FNDC3A: variants seen among roughly 807,000 people sequenced by gnomAD.
The protein encoded by FNDC3A is fibronectin type III domain containing 3A.
FNDC3A carries 32 observed loss-of-function variants against 148.9 expected under a neutral mutation model. The observed-to-expected ratio is 0.21, with a 90% CI of 0.16 to 0.29. The LOEUF (loss-of-function observed/expected upper bound fraction) is 0.29, where lower values mean the gene tolerates loss of function less well. Among genes scored for constraint, FNDC3A ranks in the 10% least tolerant of loss-of-function variants. The probability of loss-of-function intolerance (pLI) is 1.00; values close to 1 mark genes in which losing one functional copy is unlikely to be tolerated. For missense variants in FNDC3A, 1,191 were observed against 1,452.8 expected, an observed-to-expected ratio of 0.82 and a Z score of 2.93; for synonymous variants, 472 against 473.6, an observed-to-expected ratio of 1.00 and a Z score of 0.04.
chr13:49,192,210 A>C (rs1481671818), intron 19 of FNDC3A, among the ~76,000 whole-genome samples: 1 of 152,150 alleles, frequency 6.6e-6, no homozygotes, highest in Admixed American at 6.5e-5. Flanking sequence ...TCTCCTACCC[A>C]TTATTTTGGT....
chr13:49,083,860 G>A (rs1054607370), intron 3 of FNDC3A, among the ~76,000 whole-genome samples: 17 of 152,182 alleles, frequency 1.1e-4, no homozygotes, highest in African/African-American at 4.1e-4. Context: ...AGCATAGAAA[G>A]ATAATTGTGA....
rs1186239651 is a variant in FNDC3A at position 49,171,052 on chromosome 13, G to A, written c.1177-991G>A. ...TTCCCAAAGATTCTTCCTCTGCCCC[G>A]TTCACATTATATTCATTTTTAACTG... On this transcript the variant is annotated intron_variant, in intron 10 of 25. Transcript: ENST00000492622. Among the ~76,000 whole-genome samples, 4 of 151,806 alleles carry A rather than the reference G, an allele frequency of 2.6e-5. No homozygotes were observed. In the East Asian group the frequency reaches 5.8e-4, roughly 22 times the overall value.
intron 8 of FNDC3A, among the ~76,000 whole-genome samples, chr13:49,165,684 C>T (rs1593693447): frequency 6.6e-6 from 1 of 152,266 alleles, no homozygotes; most frequent in East Asian, 1.9e-4. Context: ...GTAGTGGCAG[C>T]AGTGGGTCAG....
chr13:49,094,506 G>T (rs1809292394), intron 3 of FNDC3A, among the ~76,000 whole-genome samples: 1 of 152,012 alleles, frequency 6.6e-6, no homozygotes, highest in Non-Finnish European at 1.5e-5. Flanking sequence ...ATTAGAATAT[G>T]GCCTGGGGGT....
At chr13:49,160,500 C>T (rs1884029366) in intron 8 of FNDC3A, among the ~76,000 whole-genome samples, 1 of 152,024 alleles carries the variant, frequency 6.6e-6, no homozygotes, top group South Asian at 2.1e-4. Context: ...CTATTTGATT[C>T]TTCTCTCTTT....
chr13:48,978,297 A>AC (rs897135208), intron 1 of FNDC3A, among the ~76,000 whole-genome samples: 102 of 151,778 alleles, frequency 6.7e-4, no homozygotes, highest in African/African-American at 2.0e-3. Flanking sequence ...GACATCCTTA[A>AC]CCCCCCGAAA....
intron 8 of FNDC3A, among the ~76,000 whole-genome samples, chr13:49,148,506 A>C (rs1883116464): frequency 6.6e-6 from 1 of 152,134 alleles, no homozygotes; most frequent in Non-Finnish European, 1.5e-5. Flanking sequence ...ACCATTGTTA[A>C]AAAGTCATTT....
intron 1 of FNDC3A, chr13:48,976,734 C>T (rs1246362636): frequency 1.3e-5 from 2 of 152,242 alleles, no homozygotes; most frequent in Non-Finnish European, 2.9e-5. Flanking sequence ...GGGTTAAAAC[C>T]TCGAAAACCC....
chr13:48,981,610 A>G (rs553126982), intron 1 of FNDC3A, among the ~76,000 whole-genome samples: 3 of 152,054 alleles, frequency 2.0e-5, no homozygotes, highest in African/African-American at 4.8e-5. Flanking sequence ...TTAAAATCCT[A>G]TACAAACCTG....
intron 3 of FNDC3A, among the ~76,000 whole-genome samples, chr13:49,085,513 C>CT (rs1340433631): frequency 1.6e-4 from 25 of 152,294 alleles, no homozygotes; most frequent in Admixed American, 1.3e-3. Flanking sequence ...AGCCTCATGA[C>CT]TCTTGATACT....
intron 3 of FNDC3A, among the ~76,000 whole-genome samples, chr13:49,076,745 T>G (rs1316106688): frequency 6.6e-6 from 1 of 152,074 alleles, no homozygotes; most frequent in African/African-American, 2.4e-5. Context: ...TGAAACCCCA[T>G]CATACCAATT....
chr13:49,110,301 A>G (rs1880475846), intron 3 of FNDC3A: 1 of 250,016 alleles, frequency 4.0e-6, no homozygotes, highest in Non-Finnish European at 6.4e-6. Context: ...ACAGCCTTGC[A>G]AAAAAAAAAA....
At chr13:49,171,764 T>A (rs755369001) in intron 10 of FNDC3A, among the ~76,000 whole-genome samples, 2 of 152,162 alleles carry the variant, frequency 1.3e-5, no homozygotes, top group East Asian at 1.9e-4. Context: ...AAAAGCAAAA[T>A]GGTTTTTTTA....
rs1398301256 is a variant in FNDC3A, at chr13:49,110,271, T to C, written c.176-4384T>C. On this transcript the variant is annotated intron_variant, in intron 3 of 25. Transcript: ENST00000492622. ...ACGTGATGACTGTCACGTGACTCGGTCAAAGGATCTTTTCCTCTTACAGCC... is the reference window on the plus strand; with the variant it reads ...ACGTGATGACTGTCACGTGACTCGGCCAAAGGATCTTTTCCTCTTACAGCC... 5 of 1,389,442 alleles carry C rather than the reference T, an allele frequency of 3.6e-6. No homozygotes were observed. The South Asian group carries it at 4.3e-5, about 12-fold the overall frequency. The allele number at this position is 1,389,442 out of a possible 1,614,324, so 86.1% of individuals were successfully genotyped here. A position where few individuals can be genotyped will look rare whatever the true frequency, so the allele number is the denominator to read the frequency against.
intron 19 of FNDC3A, among the ~76,000 whole-genome samples, chr13:49,192,902 A>G (rs1460241081): frequency 1.3e-5 from 2 of 152,162 alleles, no homozygotes; most frequent in East Asian, 1.9e-4. Flanking sequence ...TAAGTACACT[A>G]TTTACAGTTT....
At chr13:49,035,965 T>A (rs1280414973) in intron 2 of FNDC3A, among the ~76,000 whole-genome samples, 20 of 152,150 alleles carry the variant, frequency 1.3e-4, no homozygotes, top group Non-Finnish European at 2.9e-5. Flanking sequence ...AGCTGAAATG[T>A]TATATCAGCC....
chr13:49,148,943 G>C (rs1883139050), intron 8 of FNDC3A, among the ~76,000 whole-genome samples: 1 of 151,924 alleles, frequency 6.6e-6, no homozygotes, highest in South Asian at 2.1e-4. Flanking sequence ...TTTATTCTTA[G>C]GGTGTTTTTT....
intron 1 of FNDC3A, among the ~76,000 whole-genome samples, chr13:49,004,609 A>G (rs542883838): frequency 6.6e-6 from 1 of 152,008 alleles, no homozygotes; most frequent in Non-Finnish European, 1.5e-5. Context: ...TTACCAGTTC[A>G]TCTCCTGAAA....
chr13:49,084,865 T>G (rs1271778987), intron 3 of FNDC3A, among the ~76,000 whole-genome samples: 4 of 151,928 alleles, frequency 2.6e-5, no homozygotes, highest in Non-Finnish European at 5.9e-5. Flanking sequence ...CCAGTAGGGG[T>G]TTATCCTTTC....
Sources: gnomAD v4.1 joint callset for allele counts (sites outside exome capture counted in the v4.1 genomes callset) on GRCh38, gnomAD v4.1.1 for gene constraint, MANE v1.5 for transcripts, NCBI Gene and HGNC (gene_info 2026-07-23, HGNC 2026-07-21) for gene names.